The following RNGTT variants were observed in gnomAD, a reference collection of about 807,000 sequenced individuals.
RNGTT encodes the protein mRNA-capping enzyme.
Under a neutral mutation model 79.3 loss-of-function variants are expected in RNGTT, and 33 were observed. That is an observed-to-expected ratio of 0.42 (90% confidence interval 0.32 to 0.56). The LOEUF (loss-of-function observed/expected upper bound fraction) is 0.56. Among genes scored for constraint, RNGTT ranks in the 20% least tolerant of loss-of-function variants. The pLI is 0.17. For missense variants in RNGTT, 497 were observed against 739.1 expected (o/e 0.67, Z 3.80); for synonymous variants, 222 against 235.9 (o/e 0.94, Z 0.54).
chr6:88,827,062 T>A (rs1780690843), intron 11 of RNGTT, among the ~76,000 whole-genome samples: 1 of 151,374 alleles, frequency 6.6e-6, no homozygotes, highest in Non-Finnish European at 1.5e-5. Flanking sequence ...CATTGTTGAG[T>A]TACACACTTT....
rs559025499 is a variant in RNGTT at position 88,672,718 on chromosome 6, A to C, written c.1506+5635T>G. ...AAACCTATTAAAGTAATAATTTTTC[A>C]AAAAAAGTTGAAATAACTTCCCCTA... On this transcript the variant is annotated intron_variant, in intron 14 of 15. Transcript: ENST00000369485. Among the ~76,000 whole-genome samples the C allele has an allele frequency of 3.3e-5, 5 of 152,310 alleles. No homozygotes were observed. The South Asian group carries it at 1.0e-3, about 32-fold the overall frequency.
At chr6:88,868,726 T>C in intron 8 of RNGTT, among the ~76,000 whole-genome samples, 1 of 152,226 alleles carries the variant, frequency 6.6e-6, no homozygotes. Flanking sequence ...TTTAAAACTT[T>C]ACTGCCATTG....
At chr6:88,665,021 CCT>C (rs1774345500) in intron 14 of RNGTT, among the ~76,000 whole-genome samples, 1 of 152,158 alleles carries the variant, frequency 6.6e-6, no homozygotes, top group Non-Finnish European at 1.5e-5. Flanking sequence ...CCTGTACATC[CCT>C]GACTGCCCCT....
At chr6:88,800,051 T>A (rs1444411775) in intron 12 of RNGTT, among the ~76,000 whole-genome samples, 1 of 152,192 alleles carries the variant, frequency 6.6e-6, no homozygotes, top group Non-Finnish European at 1.5e-5. Flanking sequence ...ACAGAAGATA[T>A]TTCTGTTCTT....
intron 13 of RNGTT, among the ~76,000 whole-genome samples, chr6:88,761,323 C>T (rs557689477): frequency 6.6e-6 from 1 of 151,888 alleles, no homozygotes; most frequent in African/African-American, 2.4e-5. Flanking sequence ...AACCCCACCC[C>T]TATTAAAATT....
chr6:88,894,099 T>C (rs1008007555), intron 6 of RNGTT, among the ~76,000 whole-genome samples: 3 of 152,206 alleles, frequency 2.0e-5, no homozygotes, highest in Admixed American at 1.3e-4. Flanking sequence ...AGATTCTAAA[T>C]GTGCAAAAGG....
chr6:88,894,573 G>A (rs62429023), intron 6 of RNGTT, among the ~76,000 whole-genome samples: 1,979 of 152,204 alleles, frequency 0.013, 18 homozygotes, highest in Non-Finnish European at 0.019. Flanking sequence ...GCCTTGCAAG[G>A]CCTGAGTTGA....
rs1247130461 is a variant in RNGTT, at chr6:88,894,133, C to A, written c.685-2218G>T. On this transcript the variant is annotated intron_variant, in intron 6 of 15. Transcript: ENST00000369485. ...GGTCTAAGAGGGGAGAAAATAAAATCTTTTAAACAAGCTTTGCACGTGCTG... is the reference window on the plus strand; with the variant it reads ...GGTCTAAGAGGGGAGAAAATAAAATATTTTAAACAAGCTTTGCACGTGCTG... Among the ~76,000 whole-genome samples, 4 of 152,238 alleles carry A rather than the reference C, an allele frequency of 2.6e-5. No individual in the cohort carries two copies. In the East Asian group the frequency reaches 5.8e-4, roughly 22 times the overall value.
rs1472702199 is a variant in RNGTT at position 88,911,949 on chromosome 6, T to C, written c.368-5509A>G. On this transcript the variant is annotated intron_variant, in intron 4 of 15. Coordinates refer to ENST00000369485, the MANE Select transcript of RNGTT (RefSeq NM_003800.5). ...AAAAAATTTCAAAAAATAAAATAAA[T>C]AAATTGCTGTAGTCCCAGCTACTTG... is the stretch of plus-strand genomic sequence containing the variant. 2.0e-5 allele frequency among the ~76,000 whole-genome samples: 3 copies of C among 151,408 alleles called. No homozygotes were observed. The East Asian group carries it at 5.9e-4, about 30-fold the overall frequency.
intron 13 of RNGTT, among the ~76,000 whole-genome samples, chr6:88,713,178 A>T (rs1776377119): frequency 6.6e-6 from 1 of 152,186 alleles, no homozygotes; most frequent in African/African-American, 2.4e-5. Flanking sequence ...TAGAATCCTC[A>T]TGATGGGATT....
intron 4 of RNGTT, among the ~76,000 whole-genome samples, chr6:88,922,432 T>C (rs73506551): frequency 0.012 from 1,855 of 152,226 alleles, 37 homozygotes; most frequent in African/African-American, 0.043. Context: ...GGGTTTCATA[T>C]GATTACCATG....
At chr6:88,721,686 C>T (rs1438805558) in intron 13 of RNGTT, among the ~76,000 whole-genome samples, 4 of 152,092 alleles carry the variant, frequency 2.6e-5, no homozygotes, top group Admixed American at 2.6e-4. Flanking sequence ...TAACAACCTT[C>T]CTTACAGTCT....
intron 14 of RNGTT, among the ~76,000 whole-genome samples, chr6:88,631,827 G>GT (rs11415300): frequency 1 from 150,493 of 150,930 alleles, 75,032 homozygotes; most frequent in Non-Finnish European, 1. Flanking sequence ...TTTGTTTCAA[G>GT]TTTTTTTTTA....
At chr6:88,781,175 C>T (rs149507324) in intron 12 of RNGTT, among the ~76,000 whole-genome samples, 116 of 152,220 alleles carry the variant, frequency 7.6e-4, no homozygotes, top group Middle Eastern at 6.8e-3. Flanking sequence ...CCTCTACTAA[C>T]GTAATTATTT....
At chr6:88,925,026 GTTT>G (rs1055585682) in intron 4 of RNGTT, among the ~76,000 whole-genome samples, 1 of 150,500 alleles carries the variant, frequency 6.6e-6, no homozygotes, top group South Asian at 2.1e-4. Context: ...CACCTGTTGT[GTTT>G]TTTTTTAAGA....
At position 88,869,448 on chromosome 6, in the gene RNGTT, G is replaced by A. The variant is rs192846770; in HGVS notation, c.897-15684C>T. Among the ~76,000 whole-genome samples, 4 of 152,254 alleles carry A rather than the reference G, an allele frequency of 2.6e-5. No homozygotes were observed. The East Asian group carries it at 7.7e-4, about 29-fold the overall frequency. ...TATAGCTGATTGGTTTAATTTCACT[G>A]AATCATGCTGGCAAAGATGTAAACC... On this transcript the variant is annotated intron_variant, in intron 8 of 15. Transcript: ENST00000369485.
chr6:88,709,148 T>C (rs928554925), intron 13 of RNGTT, among the ~76,000 whole-genome samples: 5 of 151,832 alleles, frequency 3.3e-5, no homozygotes, highest in South Asian at 2.1e-4. Context: ...TCTCTAAAAA[T>C]ACAAAAAGTA....
At chr6:88,961,783 C>T (rs1258716394) in intron 1 of RNGTT, among the ~76,000 whole-genome samples, 1 of 152,206 alleles carries the variant, frequency 6.6e-6, no homozygotes, top group East Asian at 1.9e-4. Context: ...TATGATGCAG[C>T]CATTCCTCTC....
intron 14 of RNGTT, among the ~76,000 whole-genome samples, chr6:88,643,766 G>A (rs1390148733): frequency 2.0e-5 from 3 of 152,134 alleles, no homozygotes; most frequent in East Asian, 1.9e-4. Context: ...GGTACATAAC[G>A]AAATGAAGGC....
Sources: gnomAD v4.1 joint callset for allele counts (sites outside exome capture counted in the v4.1 genomes callset) on GRCh38, gnomAD v4.1.1 for gene constraint, MANE v1.5 for transcripts, NCBI Gene and HGNC (gene_info 2026-07-23, HGNC 2026-07-21) for gene names.